The following C16orf46 variants were observed in gnomAD, a reference collection of about 807,000 sequenced individuals.
The protein encoded by C16orf46 is chromosome 16 open reading frame 46.
A neutral mutation model predicts 5.5 loss-of-function variants in C16orf46; 7 were observed. The observed-to-expected ratio is 1.28, with a 90% CI of 0.73 to 2.40. The LOEUF (loss-of-function observed/expected upper bound fraction) is 2.40. Ranked by LOEUF, C16orf46 falls within the 30% of genes most tolerant of loss-of-function variation. The pLI is 0.00. For missense variants in C16orf46, 614 were observed against 476.0 expected, an observed-to-expected ratio of 1.29 and a Z score of -2.70; for synonymous variants, 200 against 184.1, an observed-to-expected ratio of 1.09 and a Z score of -0.70.
At chr16:81,064,305 AGTGAGCTGAGATTG>A (rs1446977412) in intron 2 of C16orf46, among the ~76,000 whole-genome samples, 1 of 151,146 alleles carries the variant, frequency 6.6e-6, no homozygotes, top group East Asian at 1.9e-4. Context: ...CAGAGGTTTC[AGTGAGCTGAGATTG>A]GCCACTGCAC....
downstream of C16orf46, among the ~76,000 whole-genome samples, chr16:81,059,881 T>C (rs910892283): frequency 1.3e-5 from 2 of 151,354 alleles, no homozygotes; most frequent in Non-Finnish European, 2.9e-5. Flanking sequence ...CTCCGCCTCC[T>C]GGGTTCACGC....
chr16:81,073,637 A>T (rs1321775398), intron 1 of C16orf46, among the ~76,000 whole-genome samples: 1 of 152,210 alleles, frequency 6.6e-6, no homozygotes, highest in Non-Finnish European at 1.5e-5. Flanking sequence ...GGGTGGCCCT[A>T]ATCAAATGAC....
Position 81,066,485 on chromosome 16 carries a change from G to A in C16orf46, c.-127-204C>T, listed in dbSNP as rs563549601. On this transcript the variant is annotated intron_variant, in intron 1 of 3. Transcript: ENST00000299578. ...CTCCCAGGTAGCTAAGACTACAGGC[G>A]CCTGCCACCACGCCTGGCTAATTTT... Among the ~76,000 whole-genome samples, 11 of 152,174 alleles carry A rather than the reference G, an allele frequency of 7.2e-5. No individual in the cohort carries two copies. In the South Asian group the frequency reaches 1.0e-3, roughly 14 times the overall value.
chr16:81,069,328 G>A (rs1567578485), intron 1 of C16orf46, among the ~76,000 whole-genome samples: 1 of 152,188 alleles, frequency 6.6e-6, no homozygotes, highest in African/African-American at 2.4e-5. Context: ...TCTAACTCAT[G>A]CTGCAGGTTC....
chr16:81,073,149 T>C (rs1045024192), intron 1 of C16orf46, among the ~76,000 whole-genome samples: 1 of 152,178 alleles, frequency 6.6e-6, no homozygotes, highest in African/African-American at 2.4e-5. Flanking sequence ...TAGGAAAATA[T>C]AAAACATAAA....
At position 81,061,376 on chromosome 16, in the gene C16orf46, G is replaced by T; in HGVS notation, c.973C>A (p.Gln325Lys). The T allele has an allele frequency of 2.5e-6, 4 of 1,614,180 alleles. No homozygotes were observed. The highest frequency in any genetic ancestry group is 3.4e-6 in the Non-Finnish European group (4 of 1,180,028). Residue 325 changes from glutamine (Q) to lysine (K), a missense_variant, in exon 4 of 4, where the codon CAG (glutamine) becomes AAG (lysine). Transcript: ENST00000299578. ...TGCACTCCCCGTTTCTGCAGAAGCT[G>T]CAAGGCAGCAAGGTAGCGAACGTTG... ...PSNVRYLAAL[Q>K]LLQKRGVQSY...
Position 81,070,364 on chromosome 16 carries a change from T to C in C16orf46, c.-127-4083A>G, listed in dbSNP as rs975761977. 2.6e-5 allele frequency among the ~76,000 whole-genome samples: 4 copies of C among 152,222 alleles called. No homozygotes were observed. In the South Asian group the frequency reaches 8.3e-4, roughly 32 times the overall value. ...AACATTTTGAAAAGTTAGAATTAAG[T>C]GGAGAAATCACACTACCCAGTTTTA... On this transcript the variant is annotated intron_variant, in intron 1 of 3. Transcript: ENST00000299578.
At chr16:81,073,652 T>C (rs913257740) in intron 1 of C16orf46, among the ~76,000 whole-genome samples, 1 of 152,232 alleles carries the variant, frequency 6.6e-6, no homozygotes, top group Non-Finnish European at 1.5e-5. Context: ...AATGACGTAG[T>C]CTTCTAAAAC....
chr16:81,065,993 C>T (rs1971644041), intron 2 of C16orf46, among the ~76,000 whole-genome samples, 200 bp downstream of exon 2: 1 of 151,990 alleles, frequency 6.6e-6, no homozygotes, highest in Non-Finnish European at 1.5e-5. Flanking sequence ...TCAAGCAATT[C>T]TCCTGCCTCA....
In C16orf46 at chr16:81,061,875, T is replaced by C. The variant is rs1971491913; in HGVS notation, c.474A>G (p.Ala158=). 6.2e-7 allele frequency: 1 copy of C among 1,614,110 alleles called. No homozygotes were observed. Among genetic ancestry groups the C allele is most frequent in the African/African-American group, 1.3e-5 (1 of 74,926 alleles). The change falls in exon 4 of 4, where the codon GCA becomes GCG. Residue 158 remains alanine (A), a synonymous_variant. Coordinates refer to ENST00000299578, the MANE Select transcript of C16orf46 (RefSeq NM_152337.3). ...CCTTGATTTGCAGACTTTTTTTCTC[T>C]GCTCGAAAGTAGGTGGGAAAGCAGA... is the stretch of plus-strand genomic sequence containing the variant. ...SDICFPTYFR[A]EKKSLQIKEF... is the part of the protein sequence containing the mutation.
In C16orf46 at chr16:81,066,252, G is replaced by A. The variant is rs1001531706; in HGVS notation, c.-98C>T. On this transcript the variant is annotated 5_prime_UTR_variant, in exon 2 of 4. Transcript: ENST00000299578. ...ACTTCAGGCAGGATCAACACGCTCC[G>A]CTACTAAAAGAGAATATTGGGGTCT... 5.3e-5 allele frequency: 8 copies of A among 151,772 alleles called. No individual in the cohort carries two copies. The highest frequency in any genetic ancestry group is 8.8e-5 in the Non-Finnish European group (6 of 67,994). 9.4% of individuals were successfully genotyped at this position (151,772 alleles called of 1,614,324 possible). A position where few individuals can be genotyped will look rare whatever the true frequency, so the allele number is the denominator to read the frequency against.
chr16:81,065,079 C>G (rs1221639075), intron 2 of C16orf46, among the ~76,000 whole-genome samples: 1 of 152,156 alleles, frequency 6.6e-6, no homozygotes, highest in Non-Finnish European at 1.5e-5. Context: ...AAGTTGTAAT[C>G]CTGATCAGAG....
intron 1 of C16orf46, chr16:81,072,213 C>A (rs960410502): frequency 3.9e-5 from 6 of 152,056 alleles, no homozygotes; most frequent in Admixed American, 3.3e-4. Context: ...TGTTGCTACA[C>A]CAGTCTGTCC....
At chr16:81,065,021 T>C (rs1039203469) in intron 2 of C16orf46, among the ~76,000 whole-genome samples, 2 of 78,860 alleles carry the variant, frequency 2.5e-5, no homozygotes, top group Non-Finnish European at 6.6e-5. Context: ...AATGGATGTT[T>C]TTCTGGAAAA....
chr16:81,074,188 C>T (rs1207405856), intron 1 of C16orf46, among the ~76,000 whole-genome samples: 1 of 152,118 alleles, frequency 6.6e-6, no homozygotes, highest in Non-Finnish European at 1.5e-5. Flanking sequence ...TTGTCAGATA[C>T]AAATCTCAAG....
downstream of C16orf46, among the ~76,000 whole-genome samples, chr16:81,057,652 A>C (rs2911158): frequency 6.6e-6 from 1 of 151,328 alleles, no homozygotes; most frequent in Non-Finnish European, 1.5e-5. Context: ...ATCTTTTGAA[A>C]CGTATAAACT....
chr16:81,064,297 G>C (rs1971582286), intron 2 of C16orf46, among the ~76,000 whole-genome samples: 1 of 151,044 alleles, frequency 6.6e-6, no homozygotes, highest in African/African-American at 2.4e-5. Flanking sequence ...CCAGGAAGCA[G>C]AGGTTTCAGT....
intron 1 of C16orf46, among the ~76,000 whole-genome samples, chr16:81,067,421 T>C (rs1241619608): frequency 2.6e-5 from 4 of 152,180 alleles, no homozygotes; most frequent in Non-Finnish European, 4.4e-5. Context: ...AAACTTCCTG[T>C]AATAAAACTT....
downstream of C16orf46, among the ~76,000 whole-genome samples, chr16:81,058,479 C>T (rs1259950661): frequency 1.3e-5 from 2 of 152,056 alleles, no homozygotes; most frequent in African/African-American, 2.4e-5. Flanking sequence ...ACAGGCAAAA[C>T]CAGATGAGGA....
Sources: gnomAD v4.1 joint callset for allele counts (sites outside exome capture counted in the v4.1 genomes callset) on GRCh38, gnomAD v4.1.1 for gene constraint, MANE v1.5 for transcripts, NCBI Gene and HGNC (gene_info 2026-07-23, HGNC 2026-07-21) for gene names.